The following RAB11FIP1 variants were observed in gnomAD, a reference collection of about 807,000 sequenced individuals.
The protein encoded by RAB11FIP1 is rab11 family-interacting protein 1.
In RAB11FIP1, 49 loss-of-function variants were observed where a neutral mutation model predicts 83.1. The ratio of observed to expected loss-of-function variants is 0.59; its 90% CI spans 0.47 to 0.75. The LOEUF (loss-of-function observed/expected upper bound fraction) is 0.75. Ranked by LOEUF, RAB11FIP1 falls within the 30% of genes least tolerant of loss-of-function variation. The pLI is 0.00. For missense variants in RAB11FIP1, 1,536 were observed against 1,598.7 expected, an observed-to-expected ratio of 0.96 and a Z score of 0.67; for synonymous variants, 670 against 656.0, an observed-to-expected ratio of 1.02 and a Z score of -0.33.
Position 37,863,973 on chromosome 8 carries a change from A to C in RAB11FIP1, c.3634-860T>G, listed in dbSNP as rs1290930527. Among the ~76,000 whole-genome samples the C allele has an allele frequency of 4.6e-5, 7 of 152,330 alleles. No homozygotes were observed. The South Asian group carries it at 1.0e-3, about 23-fold the overall frequency. On this transcript the variant is annotated intron_variant, in intron 5 of 5. Transcript: ENST00000330843. The stretch of plus-strand genomic sequence containing the variant: ...GCAAGGGCTTTCTTTCCAGGGCAGC[A>C]GGTCGAGGTCCAGCCCAGACTGTCT...
Position 37,877,266 on chromosome 8 carries a change from G to C in RAB11FIP1, c.657C>G (p.Thr219=), listed in dbSNP as rs748121446. Residue 219 remains threonine, a synonymous_variant, in exon 2 of 6, where the codon ACC becomes ACG. Coordinates refer to ENST00000330843, the MANE Select transcript of RAB11FIP1 (RefSeq NM_001002814.3). ...TCTGCAAATTTGACTTGGAAAGTAA[G>C]GTCTTGATCTTTGATTTCTTTTTCT... is the stretch of plus-strand genomic sequence containing the variant. ...KDKKKKSKIK[T]LLSKSNLQKT... is the part of the protein sequence containing the mutation. 6.2e-7 allele frequency: 1 copy of C among 1,614,168 alleles called. No individual in the cohort carries two copies. The highest frequency in any genetic ancestry group is 1.1e-5 in the South Asian group (1 of 91,086).
At position 37,899,283 on chromosome 8, in the gene RAB11FIP1, G is replaced by A. The variant is rs1453757492; in HGVS notation, c.159C>T (p.Ala53=). Residue 53 remains alanine (A), a synonymous_variant, in exon 1 of 6, where the codon GCC becomes GCT. Coordinates refer to ENST00000330843, the MANE Select transcript of RAB11FIP1 (RefSeq NM_001002814.3). The surrounding 1 kb of genome is among the most constrained non-coding windows in gnomAD (Gnocchi z 4.5). ...CCAGGCTGCGCTCCGACACGGAGGT[G>A]GCGTACTTCTCCTTGCCCACCTGGA... ...AVIQVGKEKY[A]TSVSERSLGA... 6.2e-7 allele frequency: 1 copy of A among 1,609,018 alleles called. No individual in the cohort carries two copies. The highest frequency in any genetic ancestry group is 1.3e-5 in the African/African-American group (1 of 74,662).
intron 1 of RAB11FIP1, among the ~76,000 whole-genome samples, chr8:37,896,039 G>C (rs1360366615): frequency 1.3e-5 from 2 of 152,064 alleles, no homozygotes; most frequent in African/African-American, 4.8e-5. Context: ...GCCTGGCACG[G>C]TGGCTCACAC....
intron 1 of RAB11FIP1, among the ~76,000 whole-genome samples, chr8:37,890,037 G>T (rs564784088): frequency 1.3e-5 from 2 of 152,072 alleles, no homozygotes; most frequent in African/African-American, 4.8e-5. Context: ...CACCCACCTC[G>T]GCCTCCCAAA....
intron 1 of RAB11FIP1, among the ~76,000 whole-genome samples, chr8:37,893,648 G>A (rs369165928): frequency 2.1e-4 from 32 of 152,038 alleles, no homozygotes; most frequent in East Asian, 5.8e-4. Context: ...AAATTAGCTC[G>A]GTATGGTGGC....
At position 37,874,878 on chromosome 8, in the gene RAB11FIP1, G is replaced by T. The variant is rs377646642; in HGVS notation, c.1259C>A (p.Thr420Lys). The change falls in exon 3 of 6, where the codon ACA becomes AAA. Residue 420 changes from threonine to lysine, a missense_variant. Transcript: ENST00000330843. ...CTTCTTGCTCTCCTTAGCTTCTTTT[G>T]TGGCCTCTGAGTTTGCGGGGGCCAT... is the stretch of plus-strand genomic sequence containing the variant. ...ENMAPANSEATKEAKESKKPE... is the reference protein window; with the variant it reads ...ENMAPANSEAKKEAKESKKPE... The T allele has an allele frequency of 3.7e-6, 6 of 1,614,158 alleles. No homozygotes were observed. The highest frequency in any genetic ancestry group is 5.1e-6 in the Non-Finnish European group (6 of 1,180,024).
At position 37,860,003 on chromosome 8, in the gene RAB11FIP1, A is replaced by C. The variant is rs1396095026; in HGVS notation, c.*2892T>G. On this transcript the variant is annotated 3_prime_UTR_variant, in exon 6 of 6. Coordinates refer to ENST00000330843, the MANE Select transcript of RAB11FIP1 (RefSeq NM_001002814.3). ...CTACTTTGGGAGGTGCAGGAATGCTATAAACTGAATTTTTTCCCAGCAGCA... is the reference window on the plus strand; with the variant it reads ...CTACTTTGGGAGGTGCAGGAATGCTCTAAACTGAATTTTTTCCCAGCAGCA... 1 of 152,692 alleles carries C rather than the reference A, an allele frequency of 6.5e-6. No homozygotes were observed. The highest frequency in any genetic ancestry group is 1.9e-4 in the East Asian group (1 of 5,192). 9.5% of individuals were successfully genotyped at this position (152,692 alleles called of 1,614,324 possible).
intron 2 of RAB11FIP1, 69 bp from the exon 3 acceptor site, chr8:37,875,391 G>T: frequency 8.7e-7 from 1 of 1,144,224 alleles, no homozygotes; most frequent in South Asian, 1.4e-5. Flanking sequence ...AGGGGCATCT[G>T]TCAACGTCTG....
chr8:37,863,498 T>C (rs1806283714), intron 5 of RAB11FIP1, among the ~76,000 whole-genome samples: 1 of 152,164 alleles, frequency 6.6e-6, no homozygotes. Flanking sequence ...TCCGCCTGCC[T>C]CAGCCTCCCA....
chr8:37,888,190 T>C (rs1375401639), intron 1 of RAB11FIP1, among the ~76,000 whole-genome samples: 1 of 152,214 alleles, frequency 6.6e-6, no homozygotes, highest in Non-Finnish European at 1.5e-5. Context: ...CACTGCAGCC[T>C]CTGCCTCCTG....
At chr8:37,890,318 A>G (rs1806921756) in intron 1 of RAB11FIP1, among the ~76,000 whole-genome samples, 1 of 152,134 alleles carries the variant, frequency 6.6e-6, no homozygotes, top group African/African-American at 2.4e-5. Context: ...GACGCTAGCC[A>G]TGTCCTTTTT....
Position 37,890,961 on chromosome 8 carries a change from A to G in RAB11FIP1, c.371+8110T>C, listed in dbSNP as rs193240667. Among the ~76,000 whole-genome samples the G allele has an allele frequency of 3.9e-5, 6 of 152,284 alleles. No homozygotes were observed. The East Asian group carries it at 1.2e-3, about 29-fold the overall frequency. Reference sequence around the variant, plus strand: ...GCAATCTACTGCCTGCCCTGTGCCTACAGGAACCACAACCACTGCCTCCCT... The same window carrying G: ...GCAATCTACTGCCTGCCCTGTGCCTGCAGGAACCACAACCACTGCCTCCCT... On this transcript the variant is annotated intron_variant, in intron 1 of 5. Transcript: ENST00000330843.
chr8:37,896,712 C>T (rs902922307), intron 1 of RAB11FIP1, among the ~76,000 whole-genome samples: 4 of 152,186 alleles, frequency 2.6e-5, no homozygotes, highest in Non-Finnish European at 4.4e-5. Context: ...TCAATCACTT[C>T]TTGGATACAT....
intron 1 of RAB11FIP1, among the ~76,000 whole-genome samples, chr8:37,898,541 T>C (rs1005218104): frequency 6.6e-6 from 1 of 151,666 alleles, no homozygotes; most frequent in African/African-American, 2.4e-5. Flanking sequence ...TAGTCCCAGC[T>C]ACTCGGGAGG....
chr8:37,876,154 CAT>C (rs1226537855), intron 2 of RAB11FIP1, among the ~76,000 whole-genome samples: 3 of 151,486 alleles, frequency 2.0e-5, no homozygotes, highest in Non-Finnish European at 4.4e-5. Flanking sequence ...AAGATCGCAC[CAT>C]TGCACTCCAG....
chr8:37,893,051 A>G (rs529338225), intron 1 of RAB11FIP1, among the ~76,000 whole-genome samples: 95 of 149,244 alleles, frequency 6.4e-4, no homozygotes, highest in African/African-American at 2.1e-3. Context: ...ACAATATATG[A>G]TTATTTATTT....
intron 5 of RAB11FIP1, among the ~76,000 whole-genome samples, chr8:37,868,225 C>T (rs1288116827): frequency 6.6e-6 from 1 of 152,014 alleles, no homozygotes; most frequent in Non-Finnish European, 1.5e-5. Context: ...AGTTCGAGAC[C>T]AGCCTGGCTA....
chr8:37,872,621 C>T lies in RAB11FIP1; in HGVS notation c.2181G>A (p.Pro727=), dbSNP rs768364395. ...CATCACTGCTGAGTGAAAGGGCAAACGGTACTTCCTGGGCTTCTCCAGATG... is the reference window on the plus strand; with the variant it reads ...CATCACTGCTGAGTGAAAGGGCAAATGGTACTTCCTGGGCTTCTCCAGATG... ...SPSSGEAQEV[P]FALSLSSDGA... The change falls in exon 4 of 6, where the codon CCG becomes CCA. Residue 727 remains proline (P), a synonymous_variant. Transcript: ENST00000330843. The T allele has an allele frequency of 3.2e-5, 51 of 1,614,096 alleles. No individual in the cohort carries two copies. Among genetic ancestry groups the T allele is most frequent in the East Asian group, 4.5e-5 (2 of 44,896 alleles).
chr8:37,879,315 CA>C (rs1013898812), intron 1 of RAB11FIP1, among the ~76,000 whole-genome samples: 67 of 148,164 alleles, frequency 4.5e-4, no homozygotes, highest in Admixed American at 1.4e-3. Flanking sequence ...GACTCCATCT[CA>C]AAAAAAACAA....
Sources: allele counts gnomAD v4.1 joint callset (sites outside exome capture counted in the v4.1 genomes callset), GRCh38; gene constraint gnomAD v4.1.1; non-coding constraint Gnocchi (gnomAD v3.1); transcripts MANE v1.5; gene names NCBI Gene and HGNC (gene_info 2026-07-23, HGNC 2026-07-21).